The following AHCYL2 variants were observed in gnomAD, a reference collection of about 807,000 sequenced individuals.
AHCYL2 encodes adenosylhomocysteinase like 2, also known as S-adenosylhomocysteine hydrolase-like protein 2.
In AHCYL2, 28 loss-of-function variants were observed where a neutral mutation model predicts 81.4. The observed-to-expected ratio is 0.34, with a 90% CI of 0.25 to 0.47. AHCYL2 has a LOEUF of 0.47. Among genes scored for constraint, AHCYL2 ranks in the 20% least tolerant of loss-of-function variants. AHCYL2 has a pLI of 1.00. For synonymous variants in AHCYL2, 272 were observed against 290.2 expected (o/e 0.94, Z 0.64); for missense variants, 551 against 785.1 (o/e 0.70, Z 3.56).
chr7:129,426,455 C>G lies in AHCYL2; in HGVS notation c.1721C>G (p.Ala574Gly). 5 of 1,614,092 alleles carry G rather than the reference C, an allele frequency of 3.1e-6. No homozygotes were observed. The highest frequency in any genetic ancestry group is 3.4e-6 in the Non-Finnish European group (4 of 1,179,978). Residue 574 changes from alanine (A) to glycine (G), a missense_variant, in exon 16 of 17, where the codon GCC becomes GGC. Coordinates refer to ENST00000325006, the MANE Select transcript of AHCYL2 (RefSeq NM_015328.4). This position sits in a 1 kb window ranked among gnomAD's most constrained non-coding sequence, Gnocchi z 4.3. ...TGGTCTGTTCCAGATGAGTATGTGG[C>G]CAGCCTACACCTGCCTACCTTTGAT... is the stretch of plus-strand genomic sequence containing the variant. ...LLPKKMDEYVASLHLPTFDAH... is the reference protein window; with the variant it reads ...LLPKKMDEYVGSLHLPTFDAH...
chr7:129,226,485 A>G (rs1006519549), intron 1 of AHCYL2, among the ~76,000 whole-genome samples: 1 of 152,212 alleles, frequency 6.6e-6, no homozygotes, highest in African/African-American at 2.4e-5. Flanking sequence ...ACAGGGATTA[A>G]TGTTTTTTTT....
chr7:129,357,406 T>A (rs1355162323), intron 1 of AHCYL2, among the ~76,000 whole-genome samples: 2 of 152,208 alleles, frequency 1.3e-5, no homozygotes, highest in Admixed American at 1.3e-4. Flanking sequence ...GCAAGTTGTT[T>A]CTAAGTCTAA....
chr7:129,409,289 C>T (rs140146881), intron 10 of AHCYL2, among the ~76,000 whole-genome samples, 187 bp from the exon 11 acceptor site: 2 of 152,236 alleles, frequency 1.3e-5, no homozygotes, highest in Admixed American at 1.3e-4. Flanking sequence ...AAATAAGTTC[C>T]GTGATGCAAA....
At chr7:129,326,955 T>C (rs1179324925) in intron 1 of AHCYL2, among the ~76,000 whole-genome samples, 1 of 152,106 alleles carries the variant, frequency 6.6e-6, no homozygotes, top group East Asian at 1.9e-4. Flanking sequence ...GAGTTTATGG[T>C]GTTGTGTAGA....
Position 129,427,067 on chromosome 7 carries a change from AT to A in AHCYL2, c.*27del. ...TTAAGTTCCTGTAACTCAAACCAGA[AT>A]TTTTAAGGAATAGAACTCCAAGCCT... On this transcript the variant is annotated 3_prime_UTR_variant, in exon 17 of 17. Transcript: ENST00000325006. This position sits in a 1 kb window ranked among gnomAD's most constrained non-coding sequence, Gnocchi z 5.5. The A allele has an allele frequency of 6.3e-7, 1 of 1,597,452 alleles. No individual in the cohort carries two copies. The highest frequency in any genetic ancestry group is 1.3e-5 in the African/African-American group (1 of 74,600).
chr7:129,306,600 C>T (rs917073429), intron 1 of AHCYL2, among the ~76,000 whole-genome samples: 4 of 152,058 alleles, frequency 2.6e-5, no homozygotes, highest in African/African-American at 7.2e-5. Flanking sequence ...TGATGCCTAA[C>T]TTTGTTTGTT....
chr7:129,371,159 C>T (rs886117695), intron 1 of AHCYL2, among the ~76,000 whole-genome samples: 3 of 152,182 alleles, frequency 2.0e-5, no homozygotes, highest in East Asian at 3.8e-4. Context: ...AAAGTTTTAA[C>T]GAGTGTCTTA....
At chr7:129,400,502 T>C in intron 6 of AHCYL2, 118 bp downstream of exon 6, 1 of 879,324 alleles carries the variant, frequency 1.1e-6, no homozygotes. Flanking sequence ...CATTTCTATC[T>C]GATATACCTG....
Position 129,414,420 on chromosome 7 carries a change from C to CTTTTTT in AHCYL2, c.1461+745_1461+750dup, listed in dbSNP as rs10653631. ...GTAATAGTTAATAGAAATGTTGTTT[C>CTTTTTT]TTTTTTTTTTTTTTTTTTGAGACGG... On this transcript the variant is annotated intron_variant, in intron 12 of 16. Transcript: ENST00000325006. Among the ~76,000 whole-genome samples, 153 of 125,404 alleles carry CTTTTTT rather than the reference C, an allele frequency of 1.2e-3. 4 individuals are homozygous for CTTTTTT. Among genetic ancestry groups the CTTTTTT allele is most frequent in the Non-Finnish European group, 1.8e-3 (110 of 62,454 alleles). The allele number at this position is 125,404 out of a possible 152,430, so 82.3% of individuals were successfully genotyped here.
rs753369603 is a variant in AHCYL2, at chr7:129,424,889, C to G, written c.1576C>G (p.Leu526Val). The change falls in exon 14 of 17, where the codon CTT (leucine) becomes GTT (valine). Residue 526 changes from leucine to valine, a missense_variant. This residue lies in a region of AHCYL2 where 316 missense variants were observed against 543.1 expected (regional missense o/e 0.58). Transcript: ENST00000325006. Reference sequence around the variant, plus strand: ...TGATCACTAGGGCCGCCTGCTGAACCTTAGCTGCTCCACAGTGCCTACATT... The same window carrying G: ...TGATCACTAGGGCCGCCTGCTGAACGTTAGCTGCTCCACAGTGCCTACATT... The part of the protein sequence containing the change: ...VLLAEGRLLN[L>V]SCSTVPTFVL... 8 of 1,613,068 alleles carry G rather than the reference C, an allele frequency of 5.0e-6. No homozygotes were observed. The highest frequency in any genetic ancestry group is 6.8e-6 in the Non-Finnish European group (8 of 1,179,992).
At chr7:129,336,706 G>A (rs1798615354) in intron 1 of AHCYL2, among the ~76,000 whole-genome samples, 1 of 152,062 alleles carries the variant, frequency 6.6e-6, no homozygotes, top group African/African-American at 2.4e-5. Context: ...GTGGCAGTTG[G>A]GATAGAGAGA....
intron 1 of AHCYL2, among the ~76,000 whole-genome samples, chr7:129,231,478 C>A (rs554913506): frequency 1.2e-4 from 19 of 152,292 alleles, no homozygotes; most frequent in African/African-American, 4.3e-4. Flanking sequence ...TATTCAGACC[C>A]TTTGTCAAGT....
chr7:129,247,753 C>A (rs1271229823), intron 1 of AHCYL2, among the ~76,000 whole-genome samples: 3 of 152,070 alleles, frequency 2.0e-5, no homozygotes, highest in Non-Finnish European at 4.4e-5. Flanking sequence ...AGGTGTGTGC[C>A]ACCATGCCCA....
chr7:129,248,491 T>C (rs1157531442), intron 1 of AHCYL2, among the ~76,000 whole-genome samples: 1 of 141,572 alleles, frequency 7.1e-6, no homozygotes, highest in African/African-American at 2.6e-5. Context: ...GTTGTGTTGT[T>C]ACTATTTTTT....
chr7:129,228,424 C>T (rs150274347), intron 1 of AHCYL2, among the ~76,000 whole-genome samples: 9 of 152,280 alleles, frequency 5.9e-5, no homozygotes, highest in Admixed American at 4.6e-4. Flanking sequence ...CACCTGCCTC[C>T]GTCCTGTAAC....
intron 1 of AHCYL2, among the ~76,000 whole-genome samples, chr7:129,346,825 T>G (rs1343166468): frequency 6.6e-6 from 1 of 152,208 alleles, no homozygotes; most frequent in Non-Finnish European, 1.5e-5. Context: ...CACAAAAACC[T>G]GCTCACAGGT....
intron 1 of AHCYL2, among the ~76,000 whole-genome samples, chr7:129,291,281 G>C (rs1006049833): frequency 6.6e-6 from 1 of 152,108 alleles, no homozygotes; most frequent in South Asian, 2.1e-4. Context: ...GTGAGGCACC[G>C]CTCTGAACAT....
At chr7:129,261,127 A>C (rs1795622373) in intron 1 of AHCYL2, among the ~76,000 whole-genome samples, 1 of 152,252 alleles carries the variant, frequency 6.6e-6, no homozygotes, top group Admixed American at 6.5e-5. Context: ...CTTCTAAAAA[A>C]TAAATGCATG....
At position 129,428,192 on chromosome 7, in the gene AHCYL2, C is replaced by A. The variant is rs931066512; in HGVS notation, c.*1147C>A. ...ACTAGTTTGAACCTCGTCAGACATTCATTCCTTTGGCCATTGCCATGGATG... is the reference window on the plus strand; with the variant it reads ...ACTAGTTTGAACCTCGTCAGACATTAATTCCTTTGGCCATTGCCATGGATG... On this transcript the variant is annotated 3_prime_UTR_variant, in exon 17 of 17. Coordinates refer to ENST00000325006, the MANE Select transcript of AHCYL2 (RefSeq NM_015328.4). 1.3e-5 allele frequency: 2 copies of A among 152,250 alleles called. No individual in the cohort carries two copies. The highest frequency in any genetic ancestry group is 4.8e-5 in the African/African-American group (2 of 41,464). The allele number at this position is 152,250 out of a possible 1,614,324, so 9.4% of individuals were successfully genotyped here. A position where few individuals can be genotyped will look rare whatever the true frequency, so the allele number is the denominator to read the frequency against.
Sources: gnomAD v4.1 joint callset for allele counts (sites outside exome capture counted in the v4.1 genomes callset) on GRCh38, gnomAD v4.1.1 for gene constraint, gnomAD v4.1.1 regional missense constraint, Gnocchi (gnomAD v3.1) non-coding constraint, MANE v1.5 for transcripts, NCBI Gene and HGNC (gene_info 2026-07-23, HGNC 2026-07-21) for gene names.